The following JAK2 variants were observed in gnomAD, a reference collection of about 807,000 sequenced individuals.
JAK2 encodes Janus kinase 2, also known as tyrosine-protein kinase JAK2.
In JAK2, 86 loss-of-function variants were observed where a neutral mutation model predicts 139.3. The ratio of observed to expected loss-of-function variants is 0.62; its 90% confidence interval spans 0.52 to 0.74. The LOEUF is 0.74. Among genes scored for constraint, JAK2 ranks in the 30% least tolerant of loss-of-function variants. The pLI, the probability that JAK2 is intolerant of heterozygous loss-of-function variation, is 0.00. For synonymous variants in JAK2, 490 were observed against 437.7 expected, an observed-to-expected ratio of 1.12 and a Z score of -1.49; for missense variants, 1,421 against 1,360.3, an observed-to-expected ratio of 1.04 and a Z score of -0.70.
At chr9:5,030,795 G>A (rs893261454) in intron 4 of JAK2, among the ~76,000 whole-genome samples, 1 of 151,950 alleles carries the variant, frequency 6.6e-6, no homozygotes. Context: ...AAAATATGCA[G>A]TTGGATGTGT....
intron 5 of JAK2, 152 bp from the exon 6 acceptor site, chr9:5,050,534 G>A: frequency 1.4e-6 from 1 of 708,956 alleles, no homozygotes; most frequent in Non-Finnish European, 2.3e-6. Context: ...GCCTCCCAAA[G>A]TTCTGGGATT....
chr9:5,100,070 A>T (rs183992462), intron 22 of JAK2: 1 of 152,362 alleles, frequency 6.6e-6, no homozygotes, highest in East Asian at 1.9e-4. Flanking sequence ...CTACTAATAC[A>T]TTTAATTGCA....
intron 2 of JAK2, among the ~76,000 whole-genome samples, chr9:4,994,021 G>A (rs886653406): frequency 6.6e-6 from 1 of 152,210 alleles, no homozygotes; most frequent in African/African-American, 2.4e-5. Flanking sequence ...TGTGCCTTGA[G>A]TTGCTAGGAT....
chr9:5,117,640 T>C (rs1823295682), intron 22 of JAK2, among the ~76,000 whole-genome samples: 2 of 151,870 alleles, frequency 1.3e-5, no homozygotes, highest in South Asian at 2.1e-4. Flanking sequence ...ACATTACTTA[T>C]GTTAACAGGT....
chr9:5,053,116 A>G (rs1037816857), intron 6 of JAK2, among the ~76,000 whole-genome samples: 1 of 152,110 alleles, frequency 6.6e-6, no homozygotes, highest in Non-Finnish European at 1.5e-5. Context: ...CTAGCAGTAC[A>G]TGAAGAGTTC....
chr9:5,073,472 GCT>G (rs1381027744), intron 13 of JAK2, among the ~76,000 whole-genome samples: 3 of 152,086 alleles, frequency 2.0e-5, no homozygotes, highest in Non-Finnish European at 4.4e-5. Flanking sequence ...TACCACTCTT[GCT>G]CTCTCTCACT....
chr9:5,111,681 G>C (rs1564015424), intron 22 of JAK2: 1 of 423,338 alleles, frequency 2.4e-6, no homozygotes, highest in African/African-American at 2.0e-5. Context: ...CCTGTGGGCA[G>C]TGGCGGAGGC....
chr9:5,114,304 C>A, intron 22 of JAK2: 1 of 542,728 alleles, frequency 1.8e-6, no homozygotes. Flanking sequence ...CTGACTTGGT[C>A]CCAGGCCAGT....
rs1221461146 is a variant in JAK2 at position 5,118,723 on chromosome 9, T to C, written c.3060-4281T>C. The stretch of plus-strand genomic sequence containing the variant: ...AGGAATGGAAGGAGTTTTGTTATAA[T>C]AGTATCATTCATTTCTATGACGCCT... On this transcript the variant is annotated intron_variant, in intron 22 of 24. Coordinates refer to ENST00000381652, the MANE Select transcript of JAK2 (RefSeq NM_004972.4). 2.6e-5 allele frequency among the ~76,000 whole-genome samples: 4 copies of C among 152,230 alleles called. No individual in the cohort carries two copies. The South Asian group carries it at 6.2e-4, about 24-fold the overall frequency.
chr9:5,002,425 T>C (rs1424987498), intron 2 of JAK2, among the ~76,000 whole-genome samples: 1 of 152,020 alleles, frequency 6.6e-6, no homozygotes, highest in African/African-American at 2.4e-5. Context: ...AATTTTGCAA[T>C]ACTGGGAGAT....
At chr9:5,053,111 A>G (rs1487204989) in intron 6 of JAK2, among the ~76,000 whole-genome samples, 2 of 152,118 alleles carry the variant, frequency 1.3e-5, no homozygotes, top group East Asian at 3.8e-4. Flanking sequence ...TCACACTAGC[A>G]GTACATGAAG....
intron 3 of JAK2, among the ~76,000 whole-genome samples, chr9:5,026,860 A>C (rs1260845857): frequency 6.6e-6 from 1 of 152,238 alleles, no homozygotes; most frequent in Non-Finnish European, 1.5e-5. Flanking sequence ...ATATCTTTTA[A>C]GAAATTACAT....
chr9:5,109,733 T>A (rs549127832), intron 22 of JAK2: 1 of 152,286 alleles, frequency 6.6e-6, no homozygotes, highest in East Asian at 1.9e-4. Context: ...TTAGACTACT[T>A]CTCCATAATA....
chr9:5,077,920 G>C (rs995141532), intron 15 of JAK2, among the ~76,000 whole-genome samples: 1 of 152,084 alleles, frequency 6.6e-6, no homozygotes, highest in Admixed American at 6.6e-5. Flanking sequence ...ATGAGAAAGC[G>C]GTGTTGACAG....
At chr9:4,992,471 A>G (rs1187512270) in intron 2 of JAK2, among the ~76,000 whole-genome samples, 1 of 152,160 alleles carries the variant, frequency 6.6e-6, no homozygotes, top group African/African-American at 2.4e-5. Flanking sequence ...AAATAGTGTT[A>G]TGGCCATCTT....
At chr9:5,010,767 A>C (rs1267358138) in intron 2 of JAK2, among the ~76,000 whole-genome samples, 3 of 152,160 alleles carry the variant, frequency 2.0e-5, no homozygotes, top group Admixed American at 6.5e-5. Context: ...TTTCTTTATC[A>C]GTTCTTGAGT....
intron 23 of JAK2, among the ~76,000 whole-genome samples, chr9:5,124,033 C>G (rs187929126): frequency 6.6e-4 from 100 of 151,686 alleles, no homozygotes; most frequent in Non-Finnish European, 9.7e-4. Context: ...TATTGATCTC[C>G]TTTGTCCACT....
chr9:5,049,261 C>T (rs775132857), intron 5 of JAK2, among the ~76,000 whole-genome samples: 5 of 152,142 alleles, frequency 3.3e-5, no homozygotes, highest in African/African-American at 4.8e-5. Flanking sequence ...ATGATGAAAA[C>T]AGATCTCCAT....
At chr9:5,122,822 C>T (rs1425551695) in intron 22 of JAK2, among the ~76,000 whole-genome samples, 182 bp from the exon 23 acceptor site, 1 of 150,890 alleles carries the variant, frequency 6.6e-6, no homozygotes, top group Non-Finnish European at 1.5e-5. Context: ...GGAATCCCTC[C>T]TGAAATCTAA....
Sources: allele counts gnomAD v4.1 joint callset (sites outside exome capture counted in the v4.1 genomes callset), GRCh38; gene constraint gnomAD v4.1.1; transcripts MANE v1.5; gene names NCBI Gene and HGNC (gene_info 2026-07-23, HGNC 2026-07-21).